RTN1: variants seen among roughly 807,000 people sequenced by gnomAD.
RTN1 encodes reticulon-1.
RTN1 carries 25 observed loss-of-function variants against 65.5 expected under a neutral mutation model. The observed-to-expected ratio is 0.38, with a 90% CI of 0.28 to 0.53. The LOEUF (loss-of-function observed/expected upper bound fraction) is 0.53, where lower values mean the gene tolerates loss of function less well. Ranked by LOEUF, RTN1 falls within the 20% of genes least tolerant of loss-of-function variation. The pLI, the probability that RTN1 is intolerant of heterozygous loss-of-function variation, is 0.79. For missense variants in RTN1, 983 were observed against 1,025.4 expected, an observed-to-expected ratio of 0.96 and a Z score of 0.57; for synonymous variants, 471 against 447.6, an observed-to-expected ratio of 1.05 and a Z score of -0.66.
rs1224546156 is a variant in RTN1, at chr14:59,756,474, A to G, written c.242-9993T>C. 2.6e-5 allele frequency among the ~76,000 whole-genome samples: 4 copies of G among 152,166 alleles called. No individual in the cohort carries two copies. The East Asian group carries it at 7.7e-4, about 29-fold the overall frequency. On this transcript the variant is annotated intron_variant, in intron 1 of 8. Coordinates refer to ENST00000267484, the MANE Select transcript of RTN1 (RefSeq NM_021136.3). ...AGTGTTTGTATACTAATAGTTATTC[A>G]ACCACCACCACTATCTTCTAATTCA...
chr14:59,806,322 C>T (rs905283897), intron 1 of RTN1, among the ~76,000 whole-genome samples: 1 of 151,546 alleles, frequency 6.6e-6, no homozygotes, highest in Admixed American at 6.6e-5. Context: ...ATTTCTTTTG[C>T]TTCTCATTGT....
intron 1 of RTN1, among the ~76,000 whole-genome samples, chr14:59,807,424 T>C (rs1346393635): frequency 6.6e-6 from 1 of 152,114 alleles, no homozygotes; most frequent in Non-Finnish European, 1.5e-5. Context: ...CTACAAAGAA[T>C]CCATAATGCC....
Position 59,727,154 on chromosome 14 carries a change from C to T in RTN1, c.1530G>A (p.Ala510=), listed in dbSNP as rs777516246. ...EETGVRAEER[A]PSRRGLAEPG... is the part of the protein sequence containing the mutation. ...GCTCGGCCAGGCCCCGCCGGCTTGGCGCACGCTCCTCGGCCCGGACGCCAG... is the reference window on the plus strand; with the variant it reads ...GCTCGGCCAGGCCCCGCCGGCTTGGTGCACGCTCCTCGGCCCGGACGCCAG... The change falls in exon 3 of 9, where the codon GCG becomes GCA. Residue 510 remains alanine (A), a synonymous_variant. Coordinates refer to ENST00000267484, the MANE Select transcript of RTN1 (RefSeq NM_021136.3). This position sits in a 1 kb window ranked among gnomAD's most constrained non-coding sequence, Gnocchi z 4.2. The T allele has an allele frequency of 1.9e-6, 3 of 1,598,154 alleles. No individual in the cohort carries two copies. Among genetic ancestry groups the T allele is most frequent in the African/African-American group, 1.3e-5 (1 of 74,772 alleles).
chr14:59,695,629 C>A (rs1241936846), intron 3 of RTN1, among the ~76,000 whole-genome samples: 1 of 152,082 alleles, frequency 6.6e-6, no homozygotes, highest in East Asian at 1.9e-4. Flanking sequence ...CATTGTAGCC[C>A]CTCAGATCTG....
At chr14:59,757,540 A>G (rs1478092287) in intron 1 of RTN1, among the ~76,000 whole-genome samples, 1 of 152,180 alleles carries the variant, frequency 6.6e-6, no homozygotes, top group East Asian at 1.9e-4. Context: ...TTTCCTTTAT[A>G]AATTATCCAG....
chr14:59,745,571 G>A, intron 2 of RTN1, 137 bp downstream of exon 2: 1 of 684,760 alleles, frequency 1.5e-6, no homozygotes, highest in African/African-American at 1.8e-5. Context: ...AATTAAATTA[G>A]TTAAACTAAA....
intron 3 of RTN1, among the ~76,000 whole-genome samples, chr14:59,720,914 T>G (rs1884634091): frequency 6.6e-6 from 1 of 151,870 alleles, no homozygotes; most frequent in African/African-American, 2.4e-5. Flanking sequence ...ACCTGTATTG[T>G]GAAAGAAAGA....
chr14:59,834,360 T>C (rs574225849), intron 1 of RTN1, among the ~76,000 whole-genome samples: 5 of 152,236 alleles, frequency 3.3e-5, no homozygotes, highest in Admixed American at 6.5e-5. Flanking sequence ...AACTGATAAA[T>C]TGGACTTGAT....
At chr14:59,640,548 C>T (rs1882755624) in intron 3 of RTN1, among the ~76,000 whole-genome samples, 1 of 152,154 alleles carries the variant, frequency 6.6e-6, no homozygotes, top group South Asian at 2.1e-4. Flanking sequence ...ATCTCTTGAC[C>T]TCATGATCTG....
chr14:59,746,336 C>A lies in RTN1; in HGVS notation c.387G>T (p.Lys129Asn). ...DSTYFTGILQ[K>N]ENGHVTISES... The stretch of plus-strand genomic sequence containing the variant: ...CTGAAATGGTGACGTGGCCATTTTC[C>A]TTCTGAAGAATTCCAGTAAAATATG... Residue 129 changes from lysine (K) to asparagine (N), a missense_variant, in exon 2 of 9, where the codon AAG becomes AAT. By Grantham distance (94) the Lys-to-Asn change is moderately conservative. Transcript: ENST00000267484. 1 of 1,614,162 alleles carries A rather than the reference C, an allele frequency of 6.2e-7. No individual in the cohort carries two copies. The highest frequency in any genetic ancestry group is 8.5e-7 in the Non-Finnish European group (1 of 1,180,014).
intron 3 of RTN1, among the ~76,000 whole-genome samples, chr14:59,707,708 T>TACACACAC (rs34046826): frequency 4.1e-5 from 6 of 145,674 alleles, no homozygotes; most frequent in Admixed American, 6.9e-5. Context: ...CTCTCTCTTT[T>TACACACAC]ACACACACAC....
intron 1 of RTN1, among the ~76,000 whole-genome samples, chr14:59,828,099 C>T (rs892633204): frequency 4.6e-5 from 7 of 152,176 alleles, no homozygotes; most frequent in Non-Finnish European, 1.0e-4. Context: ...GCTTAGCAAG[C>T]GCCAATCTTA....
intron 3 of RTN1, among the ~76,000 whole-genome samples, chr14:59,700,344 G>A (rs1359717836): frequency 6.6e-6 from 1 of 152,096 alleles, no homozygotes; most frequent in African/African-American, 2.4e-5. Context: ...CAAGGTACAA[G>A]CTAAGTGTCT....
At chr14:59,691,802 TTCAC>T (rs1478541551) in intron 3 of RTN1, among the ~76,000 whole-genome samples, 1 of 152,178 alleles carries the variant, frequency 6.6e-6, no homozygotes, top group Non-Finnish European at 1.5e-5. Context: ...ATAAATATGA[TTCAC>T]TACATAAACA....
rs79240143 is a variant in RTN1, at chr14:59,846,155, A to G, written c.241+24235T>C. Among the ~76,000 whole-genome samples, 1 of 152,180 alleles carries G rather than the reference A, an allele frequency of 6.6e-6. No homozygotes were observed. The highest frequency in any genetic ancestry group is 1.5e-5 in the Non-Finnish European group (1 of 68,022). On this transcript the variant is annotated intron_variant, in intron 1 of 8. Transcript: ENST00000267484. The surrounding 1 kb of genome is among the most constrained non-coding windows in gnomAD (Gnocchi z 4.8). Reference sequence around the variant, plus strand: ...TTGAAGACAAGGTCAACAATGTTACAGAATGAGGATGATGCAAGAAGAGAA... The same window carrying G: ...TTGAAGACAAGGTCAACAATGTTACGGAATGAGGATGATGCAAGAAGAGAA...
At chr14:59,604,723 C>G (rs1373883938) in intron 5 of RTN1, 1 of 152,250 alleles carries the variant, frequency 6.6e-6, no homozygotes, top group East Asian at 1.9e-4. Flanking sequence ...TCACAACTAC[C>G]TTGTCTGGGC....
At chr14:59,827,636 C>A (rs1887057689) in intron 1 of RTN1, among the ~76,000 whole-genome samples, 1 of 152,152 alleles carries the variant, frequency 6.6e-6, no homozygotes, top group Non-Finnish European at 1.5e-5. Flanking sequence ...ATCAGGAAGC[C>A]CTGTCCCAGG....
At chr14:59,631,831 AG>A (rs1465855562) in intron 3 of RTN1, among the ~76,000 whole-genome samples, 2 of 152,136 alleles carry the variant, frequency 1.3e-5, no homozygotes, top group East Asian at 3.9e-4. Context: ...AAGAGTTCAG[AG>A]GGAGCAGGAA....
At chr14:59,758,848 T>C (rs892301275) in intron 1 of RTN1, among the ~76,000 whole-genome samples, 5 of 152,184 alleles carry the variant, frequency 3.3e-5, no homozygotes, top group Admixed American at 6.5e-5. Context: ...CCATCAATCA[T>C]GTGTTAATTC....
Sources: gnomAD v4.1 joint callset for allele counts (sites outside exome capture counted in the v4.1 genomes callset) on GRCh38, gnomAD v4.1.1 for gene constraint, Gnocchi (gnomAD v3.1) non-coding constraint, MANE v1.5 for transcripts, NCBI Gene and HGNC (gene_info 2026-07-23, HGNC 2026-07-21) for gene names.